TRNAU1AP: variants seen among roughly 807,000 people sequenced by gnomAD.
The protein encoded by TRNAU1AP is tRNA selenocysteine 1-associated protein 1.
TRNAU1AP carries 33 observed loss-of-function variants against 43.3 expected under a neutral mutation model. The observed-to-expected ratio is 0.76, with a 90% confidence interval of 0.58 to 1.02. The LOEUF is 1.02. Among genes scored for constraint, TRNAU1AP ranks in the 50% least tolerant of loss-of-function variants. TRNAU1AP has a pLI of 0.00. For synonymous variants in TRNAU1AP, 143 were observed against 129.1 expected (o/e 1.11, Z -0.73); for missense variants, 290 against 362.7 (o/e 0.80, Z 1.63).
intron 2 of TRNAU1AP, among the ~76,000 whole-genome samples, chr1:28,557,803 A>G (rs986703143): frequency 1.3e-5 from 2 of 151,828 alleles, no homozygotes; most frequent in African/African-American, 4.8e-5. Flanking sequence ...TGGCCAGGAT[A>G]GTCTCGATCT....
chr1:28,560,095 AT>A (rs1665371728), intron 2 of TRNAU1AP, among the ~76,000 whole-genome samples: 1 of 152,056 alleles, frequency 6.6e-6, no homozygotes, highest in South Asian at 2.1e-4. Context: ...TCGAGATGAT[AT>A]CCGTCTCATA....
chr1:28,553,939 TGTAATCC>T (rs761429829), intron 2 of TRNAU1AP: 107 of 515,100 alleles, frequency 2.1e-4, no homozygotes, highest in Non-Finnish European at 2.7e-4. Flanking sequence ...GACTCACACC[TGTAATCC>T]CAGCACTTTG....
chr1:28,553,666 C>T lies in TRNAU1AP; in HGVS notation c.54C>T (p.Phe18=), dbSNP rs1292176784. The change falls in exon 2 of 9, where the codon TTC becomes TTT. Residue 18 remains phenylalanine (F), a synonymous_variant. Transcript: ENST00000373830. ...GDLEPYMDEN[F]ISRAFATMGE... is the part of the protein sequence containing the mutation. ...TGGAACCCTACATGGATGAGAACTT[C>T]ATCTCCAGAGCCTTTGCCACCATGG... 1 of 1,614,172 alleles carries T rather than the reference C, an allele frequency of 6.2e-7. No individual in the cohort carries two copies.
At position 28,553,114 on chromosome 1, in the gene TRNAU1AP, G is replaced by T; in HGVS notation, c.4G>T (p.Ala2Ser). M[A>S]ASLWMGDLEP... ...AGCCCCACCCCGGTGCGCGGGTATG[G>T]CGGCCAGCCTGTGGATGGGCGACGT... The change falls in exon 1 of 9, where the codon GCG (alanine) becomes TCG (serine). Residue 2 changes from alanine to serine, a missense_variant. Physicochemically the swap from Ala to Ser is moderately conservative, Grantham distance 99 (BLOSUM62 1). Around this residue, in one of 3 missense-constraint regions of TRNAU1AP, gnomAD observed 59 missense variants for 45.5 expected, o/e 1.30. Transcript: ENST00000373830. The T allele has an allele frequency of 6.6e-7, 1 of 1,521,940 alleles. No individual in the cohort carries two copies. The highest frequency in any genetic ancestry group is 8.8e-7 in the Non-Finnish European group (1 of 1,132,836). The allele number at this position is 1,521,940 out of a possible 1,614,324, so 94.3% of individuals were successfully genotyped here. A position where few individuals can be genotyped will look rare whatever the true frequency, so the allele number is the denominator to read the frequency against.
rs1665617569 is a variant in TRNAU1AP at position 28,569,636 on chromosome 1, G to A, written c.531-1540G>A. On this transcript the variant is annotated intron_variant, in intron 6 of 8. Coordinates refer to ENST00000373830, the MANE Select transcript of TRNAU1AP (RefSeq NM_017846.5). ...GAACCCAGGAGGCAGAGCTTGCAGT[G>A]AGCCAAGATTGTGCCACTGCACTCC... Among the ~76,000 whole-genome samples the A allele has an allele frequency of 2.0e-5, 3 of 150,766 alleles. No individual in the cohort carries two copies. The Admixed American group carries it at 2.0e-4, about 10-fold the overall frequency.
At chr1:28,560,522 T>C in intron 2 of TRNAU1AP, 111 bp from the exon 3 acceptor site, 2 of 772,910 alleles carry the variant, frequency 2.6e-6, no homozygotes, top group African/African-American at 3.5e-5. Context: ...GTGATCCACC[T>C]GCCTTGGCCT....
At chr1:28,561,153 CAT>C (rs1386765042) in intron 3 of TRNAU1AP, 191 bp from the exon 4 acceptor site, 2 of 1,425,730 alleles carry the variant, frequency 1.4e-6, no homozygotes, top group African/African-American at 1.4e-5. Context: ...CACCTGGGCT[CAT>C]AGAACCATGG....
chr1:28,566,307 T>C (rs1469903746), intron 5 of TRNAU1AP, among the ~76,000 whole-genome samples: 4 of 120,110 alleles, frequency 3.3e-5, no homozygotes, highest in East Asian at 2.4e-4. Flanking sequence ...ACAGCGAGAC[T>C]CCATCTCAAA....
intron 2 of TRNAU1AP, among the ~76,000 whole-genome samples, chr1:28,557,123 T>C (rs898739051): frequency 2.6e-5 from 4 of 151,690 alleles, no homozygotes; most frequent in African/African-American, 9.6e-5. Flanking sequence ...TTACTGTTTA[T>C]TGAAATAAGA....
Position 28,571,906 on chromosome 1 carries a change from G to A in TRNAU1AP, c.727+6G>A, listed in dbSNP as rs918678035. ...TGGAGATGATGCATTGGAAGGTAAG[G>A]GTTCATACGTTCCTTACTCTGTCAG... On this transcript the variant is annotated splice_donor_region_variant and intron_variant, in intron 8 of 8. Coordinates refer to ENST00000373830, the MANE Select transcript of TRNAU1AP (RefSeq NM_017846.5). 1.4e-5 allele frequency: 22 copies of A among 1,612,010 alleles called. No homozygotes were observed. The highest frequency in any genetic ancestry group is 2.7e-5 in the African/African-American group (2 of 74,854).
intron 8 of TRNAU1AP, among the ~76,000 whole-genome samples, chr1:28,574,938 A>C: frequency 6.6e-6 from 1 of 150,554 alleles, no homozygotes; most frequent in East Asian, 1.9e-4. Flanking sequence ...TGGGAAGGAC[A>C]CAGGAGCTCC....
At chr1:28,564,950 C>G in intron 5 of TRNAU1AP, 116 bp downstream of exon 5, 1 of 1,284,474 alleles carries the variant, frequency 7.8e-7, no homozygotes, top group Non-Finnish European at 1.1e-6. Context: ...AGCTCTGGAG[C>G]CAAACTGCCT....
chr1:28,577,930 G>A lies in TRNAU1AP; in HGVS notation c.*294G>A. The A allele has an allele frequency of 4.1e-6, 1 of 246,800 alleles. No homozygotes were observed. 15.3% of individuals were successfully genotyped at this position (246,800 alleles called of 1,614,324 possible). On this transcript the variant is annotated 3_prime_UTR_variant, in exon 9 of 9. Coordinates refer to ENST00000373830, the MANE Select transcript of TRNAU1AP (RefSeq NM_017846.5). The stretch of plus-strand genomic sequence containing the variant: ...TCCAAAACTGGGATGAGCAGCTTGG[G>A]ATAATTCACACACTAAAGCCTGAGT...
intron 2 of TRNAU1AP, among the ~76,000 whole-genome samples, chr1:28,558,228 T>TTC (rs916147375): frequency 6.8e-6 from 1 of 147,828 alleles, no homozygotes; most frequent in Non-Finnish European, 1.5e-5. Flanking sequence ...TTTTTTTTTT[T>TTC]TTTTTTGAGA....
At chr1:28,553,878 A>G (rs895464315) in intron 2 of TRNAU1AP, 141 bp downstream of exon 2, 14 of 757,294 alleles carry the variant, frequency 1.8e-5, no homozygotes, top group Admixed American at 4.6e-5. Context: ...TGAGGTCCCA[A>G]TGAGTGGAAG....
At chr1:28,570,906 A>G (rs1400628492) in intron 6 of TRNAU1AP, among the ~76,000 whole-genome samples, 1 of 152,058 alleles carries the variant, frequency 6.6e-6, no homozygotes, top group Non-Finnish European at 1.5e-5. Flanking sequence ...TCTACTGAAA[A>G]TACAAAAAAT....
intron 1 of TRNAU1AP, 105 bp from the exon 2 acceptor site, chr1:28,553,535 C>T (rs1475720235): frequency 2.7e-6 from 3 of 1,100,538 alleles, no homozygotes; most frequent in Non-Finnish European, 4.0e-6. Flanking sequence ...CCCTCGCTCC[C>T]CCAGCGGCGC....
intron 2 of TRNAU1AP, among the ~76,000 whole-genome samples, chr1:28,557,820 C>CTCGT (rs1665303993): frequency 6.6e-6 from 1 of 152,026 alleles, no homozygotes; most frequent in Admixed American, 6.6e-5. Context: ...ATCTCTTGAC[C>CTCGT]TCGTGATCCA....
Position 28,577,718 on chromosome 1 carries a change from A to G in TRNAU1AP, c.*82A>G. On this transcript the variant is annotated 3_prime_UTR_variant, in exon 9 of 9. Transcript: ENST00000373830. ...TAAAAATTGTGAAACCTTTTTGGAAATATGATTTGTAAGATTTTAATAATG... is the reference window on the plus strand; with the variant it reads ...TAAAAATTGTGAAACCTTTTTGGAAGTATGATTTGTAAGATTTTAATAATG... The G allele has an allele frequency of 1.4e-6, 2 of 1,415,802 alleles. No individual in the cohort carries two copies. Among genetic ancestry groups the G allele is most frequent in the South Asian group, 1.4e-5 (1 of 74,012 alleles). 87.7% of individuals were successfully genotyped at this position (1,415,802 alleles called of 1,614,324 possible).
Sources: allele counts gnomAD v4.1 joint callset (sites outside exome capture counted in the v4.1 genomes callset), GRCh38; gene constraint gnomAD v4.1.1; regional missense constraint gnomAD v4.1.1; transcripts MANE v1.5; gene names NCBI Gene and HGNC (gene_info 2026-07-23, HGNC 2026-07-21).